The following SEC24C variants were observed in gnomAD, a reference collection of about 807,000 sequenced individuals.
SEC24C encodes SEC24 homolog C, COPII component, also known as protein transport protein Sec24C.
In SEC24C, 22 loss-of-function variants were observed where a neutral mutation model predicts 117.0. That is an observed-to-expected ratio of 0.19 (90% CI 0.13 to 0.27). The LOEUF (loss-of-function observed/expected upper bound fraction) is 0.27. Ranked by LOEUF, SEC24C falls within the 10% of genes least tolerant of loss-of-function variation. The pLI is 1.00. For missense variants in SEC24C, 1,155 were observed against 1,375.1 expected (o/e 0.84, Z 2.53); for synonymous variants, 506 against 529.4 (o/e 0.96, Z 0.61).
intron 2 of SEC24C, among the ~76,000 whole-genome samples, chr10:73,747,781 TC>T (rs1235109252): frequency 6.7e-6 from 1 of 150,058 alleles, no homozygotes; most frequent in Non-Finnish European, 1.5e-5. Context: ...TGCCTCAGCC[TC>T]CCGAATAACT....
rs746132583 is a variant in SEC24C, at chr10:73,766,808, G to A, written c.1848G>A (p.Glu616=). 1 of 1,614,214 alleles carries A rather than the reference G, an allele frequency of 6.2e-7. No individual in the cohort carries two copies. Among genetic ancestry groups the A allele is most frequent in the Non-Finnish European group, 8.5e-7 (1 of 1,180,038 alleles). The change falls in exon 13 of 23, where the codon GAG becomes GAA. Residue 616 remains glutamate, a synonymous_variant. Transcript: ENST00000345254. ...PEMFADTRET[E]TVFVPVIQAG... is the part of the protein sequence containing the mutation. ...TGTTTGCAGACACAAGGGAAACAGA[G>A]ACAGTATTTGTACCAGTTATCCAGG... is the stretch of plus-strand genomic sequence containing the variant.
At chr10:73,763,706 T>TTTTTTAAA in intron 7 of SEC24C, 105 bp downstream of exon 7, 6 of 681,254 alleles carry the variant, frequency 8.8e-6, no homozygotes, top group Non-Finnish European at 1.3e-5. Flanking sequence ...TTTTAGTTTT[T>TTTTTTAAA]AACCAGAGAC....
At position 73,759,664 on chromosome 10, in the gene SEC24C, G is replaced by A. The variant is rs757691533; in HGVS notation, c.351G>A (p.Val117=). The change falls in exon 4 of 23, where the codon GTG becomes GTA. Residue 117 remains valine (V), a synonymous_variant. Coordinates refer to ENST00000345254, the MANE Select transcript of SEC24C (RefSeq NM_198597.3). ...CATTTGGGTCCCCATTGGCCCCTGT[G>A]GGCAACCAGCCACCTGTGCTTCAGC... The part of the protein sequence containing the change: ...SQPFGSPLAP[V]GNQPPVLQPY... The A allele has an allele frequency of 6.4e-7, 1 of 1,574,234 alleles. No homozygotes were observed. Among genetic ancestry groups the A allele is most frequent in the Non-Finnish European group, 8.6e-7 (1 of 1,163,682 alleles).
chr10:73,751,271 T>G, intron 3 of SEC24C, 28 bp downstream of exon 3: 1 of 1,601,384 alleles, frequency 6.2e-7, no homozygotes, highest in South Asian at 1.1e-5. Context: ...CTAAAATTGG[T>G]CTGATGAGGC....
In SEC24C at chr10:73,759,974, C is replaced by T. The variant is rs775586383; in HGVS notation, c.482-44C>T. 3.3e-6 allele frequency: 5 copies of T among 1,523,690 alleles called. No individual in the cohort carries two copies. In the African/African-American group the frequency reaches 5.6e-5, roughly 17 times the overall value. The allele number at this position is 1,523,690 out of a possible 1,614,324, so 94.4% of individuals were successfully genotyped here. A position where few individuals can be genotyped will look rare whatever the true frequency, so the allele number is the denominator to read the frequency against. On this transcript the variant is annotated intron_variant, in intron 4 of 22. Transcript: ENST00000345254. ...GGAAGTGATATACCGAACAAGGAGG[C>T]AGAATGACTGGGCTTTTGACTCTAC...
intron 3 of SEC24C, among the ~76,000 whole-genome samples, chr10:73,753,330 G>C (rs1395255753): frequency 1.3e-5 from 2 of 152,184 alleles, no homozygotes; most frequent in Non-Finnish European, 2.9e-5. Flanking sequence ...GGGATTACAG[G>C]TGTGAGCCAC....
intron 9 of SEC24C, 86 bp from the exon 10 acceptor site, chr10:73,765,714 A>T: frequency 6.4e-7 from 1 of 1,554,112 alleles, no homozygotes; most frequent in Non-Finnish European, 8.9e-7. Flanking sequence ...CATGGGAATG[A>T]GGGATAGTGG....
Position 73,769,104 on chromosome 10 carries a change from G to T in SEC24C, c.2376G>T (p.Glu792Asp). The T allele has an allele frequency of 6.2e-7, 1 of 1,614,238 alleles. No homozygotes were observed. The highest frequency in any genetic ancestry group is 1.7e-5 in the Admixed American group (1 of 60,032). The part of the protein sequence containing the change: ...GLDGDKTVTV[E>D]FKHDDRLNEE... ...ATGGGGACAAAACAGTGACTGTGGA[G>T]TTCAAGCATGACGATCGGCTCAATG... Residue 792 changes from glutamate (E) to aspartate (D), a missense_variant, in exon 17 of 23, where the codon GAG becomes GAT. This residue lies in a region of SEC24C where 759 missense variants were observed against 992.3 expected (regional missense o/e 0.76). Transcript: ENST00000345254. The surrounding 1 kb of genome is among the most constrained non-coding windows in gnomAD (Gnocchi z 4.5).
At chr10:73,757,984 C>G (rs2082737581) in intron 3 of SEC24C, among the ~76,000 whole-genome samples, 1 of 147,640 alleles carries the variant, frequency 6.8e-6, no homozygotes. Flanking sequence ...GCCTGTAATC[C>G]CAGCACTTTG....
rs779458573 is a variant in SEC24C at position 73,760,296 on chromosome 10, C to T, written c.760C>T (p.Leu254=). 1 of 1,613,780 alleles carries T rather than the reference C, an allele frequency of 6.2e-7. No homozygotes were observed. Among genetic ancestry groups the T allele is most frequent in the Non-Finnish European group, 8.5e-7 (1 of 1,180,012 alleles). Reference sequence around the variant, plus strand: ...CCATGTGTCTTCACCTCCTCAAGCTCTGCCCCCTGGCACCCAGATGACTGG... The same window carrying T: ...CCATGTGTCTTCACCTCCTCAAGCTTTGCCCCCTGGCACCCAGATGACTGG... ...PNHVSSPPQA[L]PPGTQMTGPL... is the part of the protein sequence containing the mutation. The change falls in exon 5 of 23, where the codon CTG becomes TTG. Residue 254 remains leucine (L), a synonymous_variant. Transcript: ENST00000345254.
At position 73,766,097 on chromosome 10, in the gene SEC24C, C is replaced by G. The variant is rs200672501; in HGVS notation, c.1494C>G (p.Phe498Leu). Residue 498 changes from phenylalanine to leucine, a missense_variant, in exon 11 of 23, where the codon TTC (phenylalanine) becomes TTG (leucine). Transcript: ENST00000345254. ...TTCTTCCTCTGCAGAACAATAAGTT[C>G]CCCAGCCCTCCTGCCTTTATCTTCA... ...ATVDYCKNNK[F>L]PSPPAFIFMI... 2 of 1,612,844 alleles carry G rather than the reference C, an allele frequency of 1.2e-6. No homozygotes were observed. The highest frequency in any genetic ancestry group is 2.7e-5 in the African/African-American group (2 of 75,034).
intron 9 of SEC24C, 57 bp from the exon 10 acceptor site, chr10:73,765,743 C>T (rs1239382015): frequency 6.4e-7 from 1 of 1,573,222 alleles, no homozygotes; most frequent in African/African-American, 1.3e-5. Flanking sequence ...CAGCTAGGGC[C>T]AGAATACTAA....
intron 6 of SEC24C, among the ~76,000 whole-genome samples, chr10:73,762,340 A>G (rs1388739148): frequency 6.6e-6 from 1 of 152,166 alleles, no homozygotes; most frequent in African/African-American, 2.4e-5. Context: ...GCATGCCTCA[A>G]GTCACCAGGT....
At chr10:73,761,232 A>C (rs2082791955) in intron 6 of SEC24C, among the ~76,000 whole-genome samples, 1 of 152,158 alleles carries the variant, frequency 6.6e-6, no homozygotes, top group African/African-American at 2.4e-5. Flanking sequence ...AGCAGGTGGG[A>C]ATTCTCTGAT....
intron 15 of SEC24C, among the ~76,000 whole-genome samples, chr10:73,768,532 A>C (rs944371522): frequency 2.0e-5 from 3 of 152,234 alleles, no homozygotes; most frequent in African/African-American, 7.2e-5. Flanking sequence ...TAAATTTCTT[A>C]AGTACTTCCT....
chr10:73,750,943 A>G (rs1346360553), intron 2 of SEC24C, among the ~76,000 whole-genome samples, 165 bp from the exon 3 acceptor site: 1 of 152,158 alleles, frequency 6.6e-6, no homozygotes, highest in Non-Finnish European at 1.5e-5. Flanking sequence ...TGTTTAGAAT[A>G]CTGCTGTAGC....
rs762481855 is a variant in SEC24C, at chr10:73,769,440, C to A, written c.2518C>A (p.Arg840=). 6.2e-7 allele frequency: 1 copy of A among 1,614,130 alleles called. No homozygotes were observed. Among genetic ancestry groups the A allele is most frequent in the South Asian group, 1.1e-5 (1 of 91,078 alleles). Residue 840 remains arginine (R), a synonymous_variant, in exon 18 of 23, where the codon CGA becomes AGA. Transcript: ENST00000345254. This position sits in a 1 kb window ranked among gnomAD's most constrained non-coding sequence, Gnocchi z 4.5. ...CTGCACCCAGCTGGCTGATCTATAT[C>A]GAAACTGTGAGACTGACACGCTCAT... is the stretch of plus-strand genomic sequence containing the variant. ...NCCTQLADLY[R]NCETDTLINY...
At chr10:73,764,049 T>C in intron 8 of SEC24C, 66 bp downstream of exon 8, 5 of 1,499,234 alleles carry the variant, frequency 3.3e-6, no homozygotes, top group Non-Finnish European at 4.5e-6. Flanking sequence ...TAAAGCGTCT[T>C]CCTGGATGTG....
rs2132581707 is a variant in SEC24C at position 73,769,883 on chromosome 10, T to C, written c.2730T>C (p.Cys910=). The C allele has an allele frequency of 6.2e-7, 1 of 1,614,186 alleles. No homozygotes were observed. Residue 910 remains cysteine (C), a synonymous_variant, in exon 20 of 23, where the codon TGT becomes TGC. Transcript: ENST00000345254. This position sits in a 1 kb window ranked among gnomAD's most constrained non-coding sequence, Gnocchi z 4.5. ...AGCTACTCCCAGTTTACCTGAACTG[T>C]GTGTTGAAGAGTGATGTCCTGCAGC... is the stretch of plus-strand genomic sequence containing the variant. The part of the protein sequence containing the change: ...CMKLLPVYLN[C]VLKSDVLQPG...
Sources: gnomAD v4.1 joint callset for allele counts (sites outside exome capture counted in the v4.1 genomes callset) on GRCh38, gnomAD v4.1.1 for gene constraint, gnomAD v4.1.1 regional missense constraint, Gnocchi (gnomAD v3.1) non-coding constraint, MANE v1.5 for transcripts, NCBI Gene and HGNC (gene_info 2026-07-23, HGNC 2026-07-21) for gene names.